NRXN3: variants seen among roughly 807,000 people sequenced by gnomAD.
NRXN3 encodes neurexin 3, also known as neurexin III.
A neutral mutation model predicts 137.6 loss-of-function variants in NRXN3; 32 were observed. That is an observed-to-expected ratio of 0.23 (90% CI 0.18 to 0.31). The LOEUF (loss-of-function observed/expected upper bound fraction) is 0.31, where lower values mean the gene tolerates loss of function less well. Ranked by LOEUF, NRXN3 falls within the 10% of genes least tolerant of loss-of-function variation. The probability of loss-of-function intolerance (pLI) is 1.00; values close to 1 mark genes in which losing one functional copy is unlikely to be tolerated. For missense variants in NRXN3, 1,574 were observed against 2,062.5 expected (o/e 0.76, Z 4.59); for synonymous variants, 798 against 784.5 (o/e 1.02, Z -0.29).
chr14:79,075,729 C>T (rs1393360385), intron 15 of NRXN3, among the ~76,000 whole-genome samples: 7 of 152,162 alleles, frequency 4.6e-5, no homozygotes, highest in Non-Finnish European at 1.0e-4. Context: ...TCCAGATTTA[C>T]TTCCAAGCAG....
At chr14:78,591,827 G>A (rs1168249899) in intron 4 of NRXN3, among the ~76,000 whole-genome samples, 1 of 152,166 alleles carries the variant, frequency 6.6e-6, no homozygotes, top group East Asian at 1.9e-4. Context: ...AGTGACAGTT[G>A]CGCCATCGCC....
intron 4 of NRXN3, among the ~76,000 whole-genome samples, chr14:78,574,680 A>G (rs2096919931): frequency 6.6e-6 from 1 of 152,202 alleles, no homozygotes; most frequent in Admixed American, 6.5e-5. Flanking sequence ...AGTAACTAAC[A>G]TGCTTTTTAT....
chr14:78,316,034 A>G (rs891033079), intron 4 of NRXN3, among the ~76,000 whole-genome samples: 1 of 152,180 alleles, frequency 6.6e-6, no homozygotes, highest in Non-Finnish European at 1.5e-5. Flanking sequence ...GGCCCATTGT[A>G]CTATTGGAAT....
chr14:79,352,217 T>A (rs2093243605), intron 15 of NRXN3, among the ~76,000 whole-genome samples: 1 of 152,112 alleles, frequency 6.6e-6, no homozygotes, highest in Admixed American at 6.6e-5. Context: ...TTTGACACAT[T>A]GCCCAATGTC....
intron 15 of NRXN3, among the ~76,000 whole-genome samples, chr14:79,449,089 G>A (rs760303631): frequency 1.6e-4 from 24 of 152,134 alleles, no homozygotes; most frequent in Admixed American, 6.5e-5. Context: ...TTGTTCTTGG[G>A]GGAGGGGGCA....
At chr14:79,624,797 TTTTTTG>T (rs1567699052) in intron 16 of NRXN3, among the ~76,000 whole-genome samples, 1 of 131,576 alleles carries the variant, frequency 7.6e-6, no homozygotes, top group East Asian at 2.0e-4. Context: ...TCCCGTTTTT[TTTTTTG>T]TTTGTTTTTG....
At chr14:78,739,572 A>G (rs2098555698) in intron 8 of NRXN3, among the ~76,000 whole-genome samples, 1 of 152,166 alleles carries the variant, frequency 6.6e-6, no homozygotes, top group Non-Finnish European at 1.5e-5. Context: ...CCCGGGTTCA[A>G]GCGATTCTCC....
At chr14:79,528,961 T>A (rs2097145789) in intron 16 of NRXN3, among the ~76,000 whole-genome samples, 1 of 152,190 alleles carries the variant, frequency 6.6e-6, no homozygotes, top group South Asian at 2.1e-4. Context: ...CTCGGTCTTC[T>A]CTTTAGAAAG....
chr14:79,612,483 G>A (rs966936094), intron 16 of NRXN3, among the ~76,000 whole-genome samples: 7 of 152,112 alleles, frequency 4.6e-5, no homozygotes, highest in Admixed American at 4.6e-4. Context: ...ATGGAAAGTG[G>A]GGGCAAGCTT....
chr14:79,831,602 A>ACCAAAAT (rs2099323880), intron 20 of NRXN3, among the ~76,000 whole-genome samples: 1 of 152,118 alleles, frequency 6.6e-6, no homozygotes, highest in Non-Finnish European at 1.5e-5. Flanking sequence ...TGCCTGGAGA[A>ACCAAAAT]AGCTATTTTG....
At chr14:78,486,246 C>T (rs1442142099) in intron 4 of NRXN3, among the ~76,000 whole-genome samples, 1 of 152,108 alleles carries the variant, frequency 6.6e-6, no homozygotes, top group Non-Finnish European at 1.5e-5. Flanking sequence ...TGGGGCCTAC[C>T]TTTTTCCTGC....
intron 19 of NRXN3, among the ~76,000 whole-genome samples, chr14:79,750,576 G>C (rs1343375327): frequency 6.6e-6 from 1 of 152,148 alleles, no homozygotes; most frequent in Non-Finnish European, 1.5e-5. Context: ...GGTCACAAAA[G>C]CTAAGTCAAC....
intron 4 of NRXN3, among the ~76,000 whole-genome samples, chr14:78,598,325 G>C (rs2152427026): frequency 6.6e-6 from 1 of 152,186 alleles, no homozygotes; most frequent in African/African-American, 2.4e-5. Context: ...ACTGCCAAGG[G>C]GGCTCGGGAT....
chr14:78,689,708 A>G (rs550546155), intron 6 of NRXN3, among the ~76,000 whole-genome samples: 2 of 152,282 alleles, frequency 1.3e-5, no homozygotes, highest in East Asian at 3.9e-4. Context: ...ATCAAATGAA[A>G]AATGGGCTGC....
intron 4 of NRXN3, among the ~76,000 whole-genome samples, chr14:78,410,158 T>C (rs138412700): frequency 6.6e-6 from 1 of 152,322 alleles, no homozygotes; most frequent in African/African-American, 2.4e-5. Flanking sequence ...TCAGTAACTG[T>C]GCCCATGGAA....
At chr14:79,380,642 G>A (rs1354220461) in intron 15 of NRXN3, among the ~76,000 whole-genome samples, 1 of 152,102 alleles carries the variant, frequency 6.6e-6, no homozygotes, top group Non-Finnish European at 1.5e-5. Context: ...ATTGTGAATA[G>A]TGCCGCAATA....
intron 15 of NRXN3, among the ~76,000 whole-genome samples, chr14:78,991,233 G>A (rs915284908): frequency 6.6e-6 from 1 of 152,182 alleles, no homozygotes; most frequent in Non-Finnish European, 1.5e-5. Context: ...GAGGTCATCA[G>A]CAATTGCTTT....
intron 3 of NRXN3, among the ~76,000 whole-genome samples, chr14:78,294,710 A>G (rs2076149971): frequency 2.0e-5 from 3 of 152,356 alleles, no homozygotes; most frequent in South Asian, 4.1e-4. Flanking sequence ...CAACTTTCCT[A>G]GCGTCACAAG....
intron 6 of NRXN3, among the ~76,000 whole-genome samples, chr14:78,663,111 A>T (rs1193101490): frequency 1.3e-5 from 2 of 152,138 alleles, no homozygotes; most frequent in Non-Finnish European, 2.9e-5. Context: ...TGTCTTTCCC[A>T]CTTACATCAT....
Sources: allele counts gnomAD v4.1 joint callset (sites outside exome capture counted in the v4.1 genomes callset), GRCh38; gene constraint gnomAD v4.1.1; transcripts MANE v1.5; gene names NCBI Gene and HGNC (gene_info 2026-07-23, HGNC 2026-07-21).